ADGB: variants seen among roughly 807,000 people sequenced by gnomAD.
ADGB encodes the protein androglobin, also known as calpain-7-like protein.
ADGB carries 172 observed loss-of-function variants against 210.5 expected under a neutral mutation model. The observed-to-expected ratio is 0.82, with a 90% CI of 0.72 to 0.93. The LOEUF is 0.93. ADGB is among the 40% of genes least tolerant of loss of function. The pLI is 0.00. For missense variants in ADGB, 2,025 were observed against 1,964.8 expected, an observed-to-expected ratio of 1.03 and a Z score of -0.58; for synonymous variants, 658 against 662.7, an observed-to-expected ratio of 0.99 and a Z score of 0.11.
At chr6:146,657,887 C>T (rs975799229) in intron 5 of ADGB, among the ~76,000 whole-genome samples, 1 of 152,118 alleles carries the variant, frequency 6.6e-6, no homozygotes, top group Non-Finnish European at 1.5e-5. Flanking sequence ...AACAGAGGAT[C>T]CAAAACCCCT....
At chr6:146,641,027 C>T (rs1775505144) in intron 2 of ADGB, among the ~76,000 whole-genome samples, 1 of 151,902 alleles carries the variant, frequency 6.6e-6, no homozygotes, top group African/African-American at 2.4e-5. Context: ...AGTCTTGTCC[C>T]AAAAGCTCCT....
At chr6:146,748,931 C>A (rs1326027166) in intron 26 of ADGB, among the ~76,000 whole-genome samples, 2 of 152,096 alleles carry the variant, frequency 1.3e-5, no homozygotes, top group Non-Finnish European at 2.9e-5. Flanking sequence ...GTAGAGCCCA[C>A]TCTAATGACT....
At chr6:146,702,462 G>A (rs1200092472) in intron 13 of ADGB, among the ~76,000 whole-genome samples, 1 of 151,852 alleles carries the variant, frequency 6.6e-6, no homozygotes, top group African/African-American at 2.4e-5. Flanking sequence ...AGGATGCTGA[G>A]CTTTCCAATG....
chr6:146,732,461 G>T (rs1777005693), intron 20 of ADGB, among the ~76,000 whole-genome samples: 1 of 152,030 alleles, frequency 6.6e-6, no homozygotes, highest in Non-Finnish European at 1.5e-5. Context: ...CCAGGTGGTT[G>T]GTTCACCATT....
At chr6:146,640,161 A>G (rs1267332952) in intron 2 of ADGB, among the ~76,000 whole-genome samples, 1 of 152,028 alleles carries the variant, frequency 6.6e-6, no homozygotes, top group Non-Finnish European at 1.5e-5. Context: ...AAAACCTAGA[A>G]GAGATGGATA....
At chr6:146,696,236 C>T (rs532844580) in intron 12 of ADGB, among the ~76,000 whole-genome samples, 5 of 152,002 alleles carry the variant, frequency 3.3e-5, no homozygotes, top group African/African-American at 1.2e-4. Context: ...CCACCACACC[C>T]GGCTAATTTT....
intron 1 of ADGB, among the ~76,000 whole-genome samples, chr6:146,613,966 G>T (rs1780747905): frequency 6.6e-6 from 1 of 151,880 alleles, no homozygotes; most frequent in Non-Finnish European, 1.5e-5. Flanking sequence ...TCCAGATTAT[G>T]TAGGATATTT....
intron 11 of ADGB, among the ~76,000 whole-genome samples, chr6:146,692,058 C>A (rs1776336694): frequency 1.3e-5 from 2 of 152,054 alleles, no homozygotes; most frequent in African/African-American, 4.8e-5. Flanking sequence ...GTTAAATTTG[C>A]AGAGCTTCTT....
chr6:146,721,854 AT>A (rs1776822161), intron 17 of ADGB, among the ~76,000 whole-genome samples: 1 of 152,074 alleles, frequency 6.6e-6, no homozygotes, highest in Admixed American at 6.5e-5. Flanking sequence ...AAATAAAAAA[AT>A]TTTAAAAATA....
chr6:146,744,394 G>A (rs552554702), intron 25 of ADGB, among the ~76,000 whole-genome samples: 43 of 152,294 alleles, frequency 2.8e-4, no homozygotes, highest in African/African-American at 9.6e-4. Context: ...ATGCCTGCCC[G>A]AAATTCATAA....
chr6:146,732,578 T>TAAA (rs10668448), intron 20 of ADGB, among the ~76,000 whole-genome samples: 2,443 of 148,644 alleles, frequency 0.016, 53 homozygotes, highest in African/African-American at 0.056. Flanking sequence ...GCTATTTTGG[T>TAAA]AAAAAAAAAA....
At chr6:146,800,349 G>A (rs954072125) in intron 33 of ADGB, among the ~76,000 whole-genome samples, 7 of 152,084 alleles carry the variant, frequency 4.6e-5, no homozygotes, top group Admixed American at 1.3e-4. Context: ...ATGATTGCCC[G>A]GAGTTTGTGG....
At chr6:146,804,886 C>T (rs1446688579) in intron 35 of ADGB, among the ~76,000 whole-genome samples, 1 of 152,156 alleles carries the variant, frequency 6.6e-6, no homozygotes, top group African/African-American at 2.4e-5. Flanking sequence ...ATTTATGTTG[C>T]ATCTACTCAA....
chr6:146,711,144 A>G (rs1274132183), intron 13 of ADGB, among the ~76,000 whole-genome samples: 1 of 152,232 alleles, frequency 6.6e-6, no homozygotes, highest in Non-Finnish European at 1.5e-5. Context: ...TGGTTGAAAC[A>G]ACATTCCTGT....
intron 1 of ADGB, among the ~76,000 whole-genome samples, chr6:146,612,142 C>T (rs1019673384): frequency 6.6e-6 from 1 of 152,186 alleles, no homozygotes. Flanking sequence ...GAGTTTTCCT[C>T]TCTTTCCCAT....
chr6:146,637,167 A>G (rs1346127613), intron 2 of ADGB, among the ~76,000 whole-genome samples: 1 of 152,048 alleles, frequency 6.6e-6, no homozygotes, highest in East Asian at 1.9e-4. Flanking sequence ...TCAGTTCCAC[A>G]TTCACCTTGT....
intron 19 of ADGB, among the ~76,000 whole-genome samples, chr6:146,727,637 C>A (rs948528993): frequency 6.6e-6 from 1 of 152,126 alleles, no homozygotes; most frequent in Non-Finnish European, 1.5e-5. Flanking sequence ...ATTGTTGGAG[C>A]TCAAGTCCAA....
chr6:146,635,024 A>G lies in ADGB; in HGVS notation c.75-351A>G, dbSNP rs185839420. Among the ~76,000 whole-genome samples, 310 of 152,194 alleles carry G rather than the reference A, an allele frequency of 2.0e-3. 2 individuals carry two copies. The highest frequency in any genetic ancestry group is 7.1e-3 in the African/African-American group (295 of 41,554). On this transcript the variant is annotated intron_variant, in intron 1 of 35. Transcript: ENST00000397944. ...TTTTCAAAAAAATATATGTAGACTG[A>G]TAGATATATAGATGGGATTCTATAT...
intron 26 of ADGB, among the ~76,000 whole-genome samples, chr6:146,750,924 C>T (rs906257763): frequency 2.0e-5 from 3 of 152,020 alleles, no homozygotes; most frequent in African/African-American, 2.4e-5. Flanking sequence ...GTTTGCAGAT[C>T]TATTAAGAGG....
Sources: allele counts gnomAD v4.1 joint callset (sites outside exome capture counted in the v4.1 genomes callset), GRCh38; gene constraint gnomAD v4.1.1; transcripts MANE v1.5; gene names NCBI Gene and HGNC (gene_info 2026-07-23, HGNC 2026-07-21).